The following GABRG3 variants were observed in gnomAD, a reference collection of about 807,000 sequenced individuals.
GABRG3 encodes gamma-aminobutyric acid type A receptor subunit gamma3.
GABRG3 carries 25 observed loss-of-function variants against 48.8 expected under a neutral mutation model. The ratio of observed to expected loss-of-function variants is 0.51; its 90% CI spans 0.37 to 0.72. GABRG3 has a LOEUF of 0.72. Among genes scored for constraint, GABRG3 ranks in the 30% least tolerant of loss-of-function variants. The probability of loss-of-function intolerance (pLI) is 0.00; values close to 1 mark genes in which losing one functional copy is unlikely to be tolerated. For synonymous variants in GABRG3, 227 were observed against 217.6 expected, an observed-to-expected ratio of 1.04 and a Z score of -0.38; for missense variants, 394 against 577.9, an observed-to-expected ratio of 0.68 and a Z score of 3.26.
At chr15:27,032,536 AGG>A (rs1896103751) in intron 3 of GABRG3, among the ~76,000 whole-genome samples, 1 of 152,140 alleles carries the variant, frequency 6.6e-6, no homozygotes, top group Non-Finnish European at 1.5e-5. Flanking sequence ...GCAGAGGTGA[AGG>A]GGGAGCCAGC....
intron 3 of GABRG3, among the ~76,000 whole-genome samples, chr15:27,047,356 C>A (rs151125752): frequency 6.6e-6 from 1 of 152,302 alleles, no homozygotes; most frequent in East Asian, 1.9e-4. Context: ...TGAGGCCCAG[C>A]ACCTCCATTA....
intron 5 of GABRG3, among the ~76,000 whole-genome samples, chr15:27,391,868 T>A (rs1887143370): frequency 6.6e-6 from 1 of 152,180 alleles, no homozygotes; most frequent in Non-Finnish European, 1.5e-5. Flanking sequence ...TCAATCAGCA[T>A]GAACTTAGGA....
At chr15:27,029,216 G>T (rs181054704) in intron 3 of GABRG3, among the ~76,000 whole-genome samples, 1 of 152,310 alleles carries the variant, frequency 6.6e-6, no homozygotes, top group East Asian at 1.9e-4. Context: ...GTGGCTGCCT[G>T]CTGCTGTGTG....
chr15:27,074,889 A>G (rs574687847), intron 3 of GABRG3, among the ~76,000 whole-genome samples: 1 of 152,280 alleles, frequency 6.6e-6, no homozygotes, highest in East Asian at 1.9e-4. Context: ...TGGACATTAC[A>G]TGGAGGCTTT....
At chr15:27,289,505 A>G (rs1595642228) in intron 3 of GABRG3, among the ~76,000 whole-genome samples, 1 of 152,330 alleles carries the variant, frequency 6.6e-6, no homozygotes, top group East Asian at 1.9e-4. Context: ...TGATGGGGGC[A>G]GGGGAAAACC....
At chr15:27,326,549 C>T (rs756082621) in intron 3 of GABRG3, among the ~76,000 whole-genome samples, 14 of 152,206 alleles carry the variant, frequency 9.2e-5, no homozygotes, top group Non-Finnish European at 1.5e-4. Context: ...TCTACTGTCT[C>T]TCTTAGCCCC....
chr15:27,154,096 CCTTCCTGTCTTTTGG>C (rs1453145905), intron 3 of GABRG3, among the ~76,000 whole-genome samples: 1 of 152,092 alleles, frequency 6.6e-6, no homozygotes, highest in African/African-American at 2.4e-5. Context: ...TTTTGCCTCC[CCTTCCTGTCTTTTGG>C]CTTCCTTAAG....
At chr15:27,278,788 G>A (rs765117163) in intron 3 of GABRG3, among the ~76,000 whole-genome samples, 6 of 152,164 alleles carry the variant, frequency 3.9e-5, no homozygotes, top group Non-Finnish European at 1.5e-5. Flanking sequence ...TCATTTCTCT[G>A]ACATAAAAGC....
At chr15:27,318,537 C>T (rs924740709) in intron 3 of GABRG3, among the ~76,000 whole-genome samples, 13 of 152,168 alleles carry the variant, frequency 8.5e-5, no homozygotes, top group Admixed American at 8.5e-4. Context: ...CTGCTTCTGA[C>T]AGAGTCAGAA....
chr15:27,024,899 G>A (rs189718601), intron 2 of GABRG3, among the ~76,000 whole-genome samples: 5 of 151,948 alleles, frequency 3.3e-5, no homozygotes, highest in East Asian at 1.9e-4. Flanking sequence ...GGTGGCAGGC[G>A]CCTGTAATCC....
In GABRG3 at chr15:27,084,239, G is replaced by A. The variant is rs112602883; in HGVS notation, c.270+57418G>A. 5.7e-3 allele frequency among the ~76,000 whole-genome samples: 867 copies of A among 152,304 alleles called. 16 individuals are homozygous for A. Among genetic ancestry groups the A allele is most frequent in the African/African-American group, 0.019 (803 of 41,560 alleles). ...CTTGAGCCTTTTGGGATTATCCCACGTGCCTCTGAAATCCTGCGGTTCTGT... is the reference window on the plus strand; with the variant it reads ...CTTGAGCCTTTTGGGATTATCCCACATGCCTCTGAAATCCTGCGGTTCTGT... On this transcript the variant is annotated intron_variant, in intron 3 of 9. Transcript: ENST00000615808.
At chr15:27,018,801 T>G (rs1334081032) in intron 2 of GABRG3, among the ~76,000 whole-genome samples, 1 of 152,152 alleles carries the variant, frequency 6.6e-6, no homozygotes, top group Non-Finnish European at 1.5e-5. Flanking sequence ...AACTGCAATA[T>G]TGACCAAGTT....
intron 3 of GABRG3, among the ~76,000 whole-genome samples, chr15:27,151,086 C>T (rs1245518971): frequency 6.6e-6 from 1 of 152,172 alleles, no homozygotes; most frequent in Non-Finnish European, 1.5e-5. Context: ...AGGGATTCCT[C>T]TGTAGCCTTT....
chr15:27,387,671 GTT>G (rs1895966175), intron 5 of GABRG3, among the ~76,000 whole-genome samples: 1 of 151,550 alleles, frequency 6.6e-6, no homozygotes, highest in African/African-American at 2.4e-5. Flanking sequence ...TGTTTGCTTA[GTT>G]TAGTGTGCAG....
At chr15:27,267,131 A>T (rs1239096960) in intron 3 of GABRG3, among the ~76,000 whole-genome samples, 1 of 123,308 alleles carries the variant, frequency 8.1e-6, no homozygotes, top group Non-Finnish European at 1.6e-5. Flanking sequence ...TTTGAGACAG[A>T]GTTTTGCTCT....
chr15:27,137,248 G>C (rs1299633222), intron 3 of GABRG3, among the ~76,000 whole-genome samples: 1 of 152,160 alleles, frequency 6.6e-6, no homozygotes, highest in Non-Finnish European at 1.5e-5. Context: ...AGCTCTCTTT[G>C]CATCTCTCTC....
At chr15:27,227,358 G>T (rs990614701) in intron 3 of GABRG3, among the ~76,000 whole-genome samples, 3 of 151,914 alleles carry the variant, frequency 2.0e-5, no homozygotes, top group Admixed American at 1.3e-4. Context: ...GGGCCTGGGC[G>T]TGGTGGTGTG....
intron 9 of GABRG3, chr15:27,530,567 TTTTTGGCTCCC>T (rs1175240242): frequency 4.3e-6 from 2 of 468,770 alleles, no homozygotes; most frequent in Non-Finnish European, 8.8e-6. Flanking sequence ...ATCCAGGTGT[TTTTTGGCTCCC>T]TAAATGAAGT....
At position 27,444,191 on chromosome 15, in the gene GABRG3, T is replaced by TG. The variant is rs147037111; in HGVS notation, c.575-36456dup. On this transcript the variant is annotated intron_variant, in intron 5 of 9. Transcript: ENST00000615808. ...GTTATTTTTCTGAATTCTTAGGAAG[T>TG]GGGATCAACTTCATCAATCATGTTT... 2.7e-3 allele frequency among the ~76,000 whole-genome samples: 413 copies of TG among 152,258 alleles called. 1 individual carries two copies. Among genetic ancestry groups the TG allele is most frequent in the African/African-American group, 9.3e-3 (387 of 41,562 alleles).
Sources: allele counts gnomAD v4.1 joint callset (sites outside exome capture counted in the v4.1 genomes callset), GRCh38; gene constraint gnomAD v4.1.1; transcripts MANE v1.5; gene names NCBI Gene and HGNC (gene_info 2026-07-23, HGNC 2026-07-21).